NEK7: variants seen among roughly 807,000 people sequenced by gnomAD.
The protein encoded by NEK7 is serine/threonine-protein kinase Nek7.
A neutral mutation model predicts 44.6 loss-of-function variants in NEK7; 18 were observed. That is an observed-to-expected ratio of 0.40 (90% CI 0.28 to 0.60). NEK7 has a LOEUF of 0.60. Among genes scored for constraint, NEK7 ranks in the 20% least tolerant of loss-of-function variants. NEK7 has a pLI of 0.38. For synonymous variants in NEK7, 130 were observed against 121.1 expected (o/e 1.07, Z -0.48); for missense variants, 256 against 366.5 (o/e 0.70, Z 2.46).
In NEK7 at chr1:198,223,171, G is replaced by A. The variant is rs144230547; in HGVS notation, c.-28-9382G>A. ...TTTTTATTCTAAGAACAATGAGAGC[G>A]TTATAATTTGATTTATGTTTTCAAA... is the stretch of plus-strand genomic sequence containing the variant. On this transcript the variant is annotated intron_variant, in intron 1 of 9. Coordinates refer to ENST00000367385, the MANE Select transcript of NEK7 (RefSeq NM_133494.3). Among the ~76,000 whole-genome samples the A allele has an allele frequency of 1.5e-4, 23 of 152,216 alleles. No homozygotes were observed. In the East Asian group the frequency reaches 2.9e-3, roughly 19 times the overall value.
intron 5 of NEK7, among the ~76,000 whole-genome samples, chr1:198,274,168 C>CTTTTTTTTTTT (rs1463625751): frequency 6.7e-6 from 1 of 149,706 alleles, no homozygotes; most frequent in Non-Finnish European, 1.5e-5. Flanking sequence ...TTCTAGTTCT[C>CTTTTTTTTTTT]TTATGACTTC....
rs1227998968 is a variant in NEK7 at position 198,253,177 on chromosome 1, G to A, written c.195G>A (p.Val65=). 17 of 1,596,514 alleles carry A rather than the reference G, an allele frequency of 1.1e-5. No homozygotes were observed. The highest frequency in any genetic ancestry group is 1.5e-5 in the Non-Finnish European group (17 of 1,168,866). Residue 65 remains valine (V), a synonymous_variant, in exon 3 of 10, where the codon GTG becomes GTA. Transcript: ENST00000367385. ...LDGVPVALKK[V]QIFDLMDAKA... ...GAGTACCAGTAGCTTTAAAAAAAGT[G>A]CAGGTAAGATGACTTTAATTATATA...
chr1:198,215,916 T>C (rs950742727), intron 1 of NEK7, among the ~76,000 whole-genome samples: 6 of 151,868 alleles, frequency 4.0e-5, no homozygotes, highest in Admixed American at 1.3e-4. Context: ...CATAAAGCAA[T>C]ACCACTAGAT....
chr1:198,250,165 G>T (rs1490054978), intron 2 of NEK7, among the ~76,000 whole-genome samples: 1 of 150,130 alleles, frequency 6.7e-6, no homozygotes, highest in Non-Finnish European at 1.5e-5. Context: ...GTTTTTCTCA[G>T]GTTTGTCAAA....
intron 1 of NEK7, among the ~76,000 whole-genome samples, chr1:198,180,091 T>C (rs1451454697): frequency 6.6e-6 from 1 of 152,082 alleles, no homozygotes; most frequent in East Asian, 1.9e-4. Context: ...ATAAAGCATA[T>C]TGATGCTTAT....
In NEK7 at chr1:198,271,921, A is replaced by ATATG. The variant is rs1558088674; in HGVS notation, c.373-6037_373-6036insGTAT. Among the ~76,000 whole-genome samples the ATATG allele has an allele frequency of 1.7e-4, 18 of 107,560 alleles. No homozygotes were observed. The East Asian group carries it at 4.6e-3, about 28-fold the overall frequency. 70.6% of individuals were successfully genotyped at this position (107,560 alleles called of 152,430 possible). The stretch of plus-strand genomic sequence containing the variant: ...ATTTATATTTTATATATATATATAT[A>ATATG]TATACACACACACACACACACATAG... On this transcript the variant is annotated intron_variant, in intron 5 of 9. Coordinates refer to ENST00000367385, the MANE Select transcript of NEK7 (RefSeq NM_133494.3).
At chr1:198,170,321 T>G (rs772634551) in intron 1 of NEK7, among the ~76,000 whole-genome samples, 2 of 152,106 alleles carry the variant, frequency 1.3e-5, no homozygotes, top group Non-Finnish European at 2.9e-5. Context: ...AGAGACTAGT[T>G]TGGCAATTAA....
intron 9 of NEK7, among the ~76,000 whole-genome samples, chr1:198,314,041 T>A (rs1244874240): frequency 6.6e-6 from 1 of 151,970 alleles, no homozygotes; most frequent in Non-Finnish European, 1.5e-5. Flanking sequence ...CCAACTTGGT[T>A]CCATTCTCCC....
chr1:198,215,574 C>T (rs575723970), intron 1 of NEK7, among the ~76,000 whole-genome samples: 18 of 151,918 alleles, frequency 1.2e-4, no homozygotes, highest in African/African-American at 3.6e-4. Flanking sequence ...CCTAAGTAAG[C>T]CAAAAGATTG....
intron 2 of NEK7, among the ~76,000 whole-genome samples, chr1:198,251,079 T>C (rs1359528429): frequency 6.6e-6 from 1 of 151,864 alleles, no homozygotes; most frequent in African/African-American, 2.4e-5. Context: ...ATTGAGAGTT[T>C]TTAGCATGAA....
chr1:198,175,251 C>A (rs965271443), intron 1 of NEK7, among the ~76,000 whole-genome samples: 2 of 152,056 alleles, frequency 1.3e-5, no homozygotes, highest in Admixed American at 6.5e-5. Context: ...AAATGTAAAA[C>A]CATGTGTTAA....
Position 198,253,079 on chromosome 1 carries a change from A to G in NEK7, c.97A>G (p.Asn33Asp). Residue 33 changes from asparagine (N) to aspartate (D), a missense_variant, in exon 3 of 10, where the codon AAC (asparagine) becomes GAC (aspartate). Physicochemically the swap from Asn to Asp is conservative, Grantham distance 23. This residue lies in a region of NEK7 where 96 missense variants were observed against 94.9 expected (regional missense o/e 1.01). Coordinates refer to ENST00000367385, the MANE Select transcript of NEK7 (RefSeq NM_133494.3). ...GGATATGGGCTATAATACATTAGCCAACTTTCGAATAGAAAAGAAAATTGG... is the reference window on the plus strand; with the variant it reads ...GGATATGGGCTATAATACATTAGCCGACTTTCGAATAGAAAAGAAAATTGG... ...RPDMGYNTLA[N>D]FRIEKKIGRG... is the part of the protein sequence containing the mutation. The G allele has an allele frequency of 6.2e-7, 1 of 1,612,680 alleles. No homozygotes were observed. The highest frequency in any genetic ancestry group is 8.5e-7 in the Non-Finnish European group (1 of 1,178,950).
chr1:198,290,850 G>T (rs971695711), intron 7 of NEK7, among the ~76,000 whole-genome samples: 6 of 152,218 alleles, frequency 3.9e-5, no homozygotes, highest in African/African-American at 1.4e-4. Flanking sequence ...TAAATTTAAA[G>T]TATCAGTGTT....
chr1:198,321,514 T>A lies in NEK7; in HGVS notation c.*1992T>A, dbSNP rs544994686. On this transcript the variant is annotated 3_prime_UTR_variant, in exon 10 of 10. Transcript: ENST00000367385. The stretch of plus-strand genomic sequence containing the variant: ...CTTGCAATCTTTAAGAATACATAGA[T>A]CTAAAATTCATTAGCTTGACCCCTC... 2.0e-5 allele frequency: 3 copies of A among 152,228 alleles called. No homozygotes were observed. Among genetic ancestry groups the A allele is most frequent in the Non-Finnish European group, 4.4e-5 (3 of 67,982 alleles). The allele number at this position is 152,228 out of a possible 1,614,324, so 9.4% of individuals were successfully genotyped here.
rs1006125162 is a variant in NEK7, at chr1:198,321,370, A to G, written c.*1848A>G. 2 of 152,238 alleles carry G rather than the reference A, an allele frequency of 1.3e-5. No homozygotes were observed. Among genetic ancestry groups the G allele is most frequent in the African/African-American group, 4.8e-5 (2 of 41,544 alleles). The allele number at this position is 152,238 out of a possible 1,614,324, so 9.4% of individuals were successfully genotyped here. On this transcript the variant is annotated 3_prime_UTR_variant, in exon 10 of 10. Coordinates refer to ENST00000367385, the MANE Select transcript of NEK7 (RefSeq NM_133494.3). ...TAACATTTATACTGAGCATCCATAG[A>G]TATATTCCTAGAAGTATGAGAAGAA...
chr1:198,316,481 A>G (rs998162351), intron 9 of NEK7, among the ~76,000 whole-genome samples: 2 of 152,226 alleles, frequency 1.3e-5, no homozygotes, highest in Admixed American at 6.5e-5. Flanking sequence ...GCAACAACTC[A>G]TAGTTAAACA....
chr1:198,256,505 A>C, intron 3 of NEK7: 1 of 1,554,114 alleles, frequency 6.4e-7, no homozygotes, highest in Non-Finnish European at 8.7e-7. Context: ...TACCTTAACT[A>C]ATAAAACAAT....
intron 1 of NEK7, among the ~76,000 whole-genome samples, chr1:198,213,950 G>C (rs1665849459): frequency 6.6e-6 from 1 of 152,164 alleles, no homozygotes; most frequent in Non-Finnish European, 1.5e-5. Context: ...CATCACTGGG[G>C]ACTGAAATAG....
chr1:198,204,621 A>G (rs1048815335), intron 1 of NEK7, among the ~76,000 whole-genome samples: 1 of 149,188 alleles, frequency 6.7e-6, no homozygotes, highest in African/African-American at 2.5e-5. Context: ...CGGGAGGCTG[A>G]GGCAGGAGAA....
Sources: gnomAD v4.1 joint callset for allele counts (sites outside exome capture counted in the v4.1 genomes callset) on GRCh38, gnomAD v4.1.1 for gene constraint, gnomAD v4.1.1 regional missense constraint, MANE v1.5 for transcripts, NCBI Gene and HGNC (gene_info 2026-07-23, HGNC 2026-07-21) for gene names.